AFAP1L1: variants seen among roughly 807,000 people sequenced by gnomAD.
AFAP1L1 encodes actin filament-associated protein 1-like 1.
A neutral mutation model predicts 99.8 loss-of-function variants in AFAP1L1; 77 were observed. The ratio of observed to expected loss-of-function variants is 0.77; its 90% CI spans 0.64 to 0.93. The LOEUF (loss-of-function observed/expected upper bound fraction) is 0.93, where lower values mean the gene tolerates loss of function less well. Among genes scored for constraint, AFAP1L1 ranks in the 40% least tolerant of loss-of-function variants. AFAP1L1 has a pLI of 0.00. For synonymous variants in AFAP1L1, 373 were observed against 395.3 expected (o/e 0.94, Z 0.67); for missense variants, 893 against 996.8 (o/e 0.90, Z 1.40).
chr5:149,295,032 G>A (rs1418935391), intron 1 of AFAP1L1, among the ~76,000 whole-genome samples: 2 of 152,214 alleles, frequency 1.3e-5, no homozygotes, highest in Non-Finnish European at 2.9e-5. Flanking sequence ...GCCCAGCACA[G>A]GGTAACTGCT....
At chr5:149,316,058 C>T in intron 10 of AFAP1L1, 93 bp from the exon 11 acceptor site, 1 of 1,582,806 alleles carries the variant, frequency 6.3e-7, no homozygotes, top group Non-Finnish European at 8.6e-7. Flanking sequence ...GCTGCAGGCC[C>T]ATCCTGTATG....
chr5:149,305,701 G>A (rs996719427), intron 5 of AFAP1L1, among the ~76,000 whole-genome samples: 6 of 152,144 alleles, frequency 3.9e-5, no homozygotes, highest in African/African-American at 9.7e-5. Flanking sequence ...TATTATGCAC[G>A]ATATTATTAT....
rs1258569403 is a variant in AFAP1L1 at position 149,329,717 on chromosome 5, G to C, written c.1862G>C (p.Arg621Thr). 1 of 1,614,106 alleles carries C rather than the reference G, an allele frequency of 6.2e-7. No individual in the cohort carries two copies. Among genetic ancestry groups the C allele is most frequent in the Admixed American group, 1.7e-5 (1 of 59,994 alleles). ...GKNRAEEDARRYLVEKEKLEK... is the reference protein window; with the variant it reads ...GKNRAEEDARTYLVEKEKLEK... The stretch of plus-strand genomic sequence containing the variant: ...AACCGAGCCGAGGAGGATGCCCGGA[G>C]GTACTTGGTAGAAAAAGAGAAGCTG... Residue 621 changes from arginine (R) to threonine (T), a missense_variant, in exon 16 of 19, where the codon AGG (arginine) becomes ACG (threonine). By Grantham distance (71) the Arg-to-Thr change is moderately conservative (BLOSUM62 -1). Coordinates refer to ENST00000296721, the MANE Select transcript of AFAP1L1 (RefSeq NM_152406.4).
intron 11 of AFAP1L1, among the ~76,000 whole-genome samples, 158 bp from the exon 12 acceptor site, chr5:149,317,571 T>C (rs886541977): frequency 2.2e-4 from 33 of 152,096 alleles, no homozygotes; most frequent in Admixed American, 2.6e-4. Context: ...AGAAACAAAC[T>C]CAGAGAAATG....
chr5:149,291,524 CA>C (rs1229134807), intron 1 of AFAP1L1, among the ~76,000 whole-genome samples: 284 of 13,382 alleles, frequency 0.021, 2 homozygotes, highest in African/African-American at 0.06. Context: ...GACTCCGTCT[CA>C]AAAAAAAAAA....
At chr5:149,299,405 C>G (rs1411627151) in intron 1 of AFAP1L1, 104 bp from the exon 2 acceptor site, 5 of 1,492,734 alleles carry the variant, frequency 3.3e-6, no homozygotes, top group Non-Finnish European at 2.7e-6. Context: ...CCGGACCTGC[C>G]CTCTGACCCC....
chr5:149,308,990 A>G (rs1448004386), intron 7 of AFAP1L1, among the ~76,000 whole-genome samples: 4 of 151,914 alleles, frequency 2.6e-5, no homozygotes, highest in Non-Finnish European at 5.9e-5. Context: ...ATGCACCTGT[A>G]GTCCCAGCTA....
intron 1 of AFAP1L1, among the ~76,000 whole-genome samples, chr5:149,295,140 G>T (rs1233145744): frequency 2.0e-5 from 3 of 152,176 alleles, no homozygotes; most frequent in Non-Finnish European, 4.4e-5. Context: ...CGTTCAGGTC[G>T]CAGAAACCCC....
chr5:149,306,011 C>CT (rs762161335), intron 5 of AFAP1L1, among the ~76,000 whole-genome samples: 1 of 152,040 alleles, frequency 6.6e-6, no homozygotes, highest in Non-Finnish European at 1.5e-5. Context: ...TGATCTGGGT[C>CT]TTGATGGATG....
rs1756160103 is a variant in AFAP1L1, at chr5:149,300,354, G to A, written c.229G>A (p.Asp77Asn). 1 of 1,612,366 alleles carries A rather than the reference G, an allele frequency of 6.2e-7. No individual in the cohort carries two copies. The highest frequency in any genetic ancestry group is 1.1e-5 in the South Asian group (1 of 90,622). The change falls in exon 3 of 19, where the codon GAC becomes AAC. Residue 77 changes from aspartate to asparagine, a missense_variant and splice_region_variant. By Grantham distance (23) the Asp-to-Asn change is conservative. Coordinates refer to ENST00000296721, the MANE Select transcript of AFAP1L1 (RefSeq NM_152406.4). The part of the protein sequence containing the change: ...SFVESLFEEF[D>N]CDLSDLRDMP... ...CGTGGAATCCCTCTTTGAAGAATTT[G>A]GTAAGTGACCCTCTCCCAACCTCAG...
intron 1 of AFAP1L1, among the ~76,000 whole-genome samples, chr5:149,286,253 GTAT>G (rs1250876364): frequency 6.6e-6 from 1 of 152,040 alleles, no homozygotes; most frequent in Non-Finnish European, 1.5e-5. Flanking sequence ...TGAGGAATAA[GTAT>G]TATTATTATC....
At chr5:149,305,314 C>A (rs1355197513) in intron 5 of AFAP1L1, among the ~76,000 whole-genome samples, 1 of 152,186 alleles carries the variant, frequency 6.6e-6, no homozygotes, top group Non-Finnish European at 1.5e-5. Flanking sequence ...TGATTGATCC[C>A]AAAGCACATG....
At chr5:149,324,365 C>G (rs182878822) in intron 15 of AFAP1L1, among the ~76,000 whole-genome samples, 198 of 151,088 alleles carry the variant, frequency 1.3e-3, no homozygotes, top group African/African-American at 4.3e-3. Context: ...CCTAAGGGCA[C>G]TAATCCTACC....
chr5:149,292,471 A>G (rs986394072), intron 1 of AFAP1L1, among the ~76,000 whole-genome samples: 1 of 152,094 alleles, frequency 6.6e-6, no homozygotes, highest in East Asian at 1.9e-4. Flanking sequence ...AAGTGATCTT[A>G]CTCTTAGTTG....
chr5:149,311,144 T>C (rs1254653446), intron 8 of AFAP1L1, among the ~76,000 whole-genome samples: 3 of 152,198 alleles, frequency 2.0e-5, no homozygotes, highest in Non-Finnish European at 4.4e-5. Context: ...ATCTTCCTGC[T>C]GGAACAATGA....
chr5:149,329,071 A>G (rs774164785), intron 15 of AFAP1L1, among the ~76,000 whole-genome samples: 12 of 152,198 alleles, frequency 7.9e-5, no homozygotes, highest in African/African-American at 9.7e-5. Context: ...TACATGGAAC[A>G]GTCTCCTTGA....
chr5:149,337,470 G>A (rs148712145), intron 18 of AFAP1L1, among the ~76,000 whole-genome samples: 6 of 152,150 alleles, frequency 3.9e-5, no homozygotes, highest in African/African-American at 1.2e-4. Context: ...CTCCAATTTC[G>A]TTCATTCAAG....
intron 7 of AFAP1L1, among the ~76,000 whole-genome samples, chr5:149,307,818 T>TTTTCTCTCTCTCTCTCTCTCTC: frequency 9.9e-6 from 1 of 100,568 alleles, no homozygotes; most frequent in African/African-American, 3.9e-5. Context: ...GTGCCTCTCT[T>TTTTCTCTCTCTCTCTCTCTCTC]TCTCTCTCTC....
Position 149,343,608 on chromosome 5 carries a change from C to A in AFAP1L1, c.*3578C>A, listed in dbSNP as rs1382810939. ...GGAGGAAAAAACCTTAACAAGGAAG[C>A]AAAAGAAATAAAATACTAAGAAACT... is the stretch of plus-strand genomic sequence containing the variant. On this transcript the variant is annotated 3_prime_UTR_variant, in exon 19 of 19. Transcript: ENST00000296721. Among the ~76,000 whole-genome samples the A allele has an allele frequency of 6.6e-6, 1 of 152,048 alleles. No individual in the cohort carries two copies. The highest frequency in any genetic ancestry group is 2.4e-5 in the African/African-American group (1 of 41,388).
Sources: allele counts gnomAD v4.1 joint callset (sites outside exome capture counted in the v4.1 genomes callset), GRCh38; gene constraint gnomAD v4.1.1; transcripts MANE v1.5; gene names NCBI Gene and HGNC (gene_info 2026-07-23, HGNC 2026-07-21).